Variants in KDM1B observed in about 807,000 individuals in gnomAD.
KDM1B encodes lysine demethylase 1B.
A neutral mutation model predicts 107.4 loss-of-function variants in KDM1B; 63 were observed. The ratio of observed to expected loss-of-function variants is 0.59; its 90% CI spans 0.48 to 0.72. KDM1B has a LOEUF of 0.72. Ranked by LOEUF, KDM1B falls within the 30% of genes least tolerant of loss-of-function variation. KDM1B has a pLI of 0.00. For missense variants in KDM1B, 749 were observed against 1,020.8 expected (o/e 0.73, Z 3.63); for synonymous variants, 363 against 363.9 (o/e 1.00, Z 0.03).
intron 21 of KDM1B, 108 bp downstream of exon 21, chr6:18,217,993 C>T: frequency 1.7e-6 from 2 of 1,196,678 alleles, no homozygotes; most frequent in South Asian, 2.9e-5. Flanking sequence ...TGTCAAAAGT[C>T]TTATGACCAC....
intron 6 of KDM1B, among the ~76,000 whole-genome samples, chr6:18,168,474 G>C (rs1209320415): frequency 6.6e-6 from 1 of 152,166 alleles, no homozygotes; most frequent in Non-Finnish European, 1.5e-5. Flanking sequence ...ATACTCCATT[G>C]AATGGATATG....
At chr6:18,188,332 G>A (rs773579874) in intron 9 of KDM1B, among the ~76,000 whole-genome samples, 4 of 152,218 alleles carry the variant, frequency 2.6e-5, no homozygotes, top group Admixed American at 6.5e-5. Context: ...CATCATTTGT[G>A]TATAGTGTGT....
intron 9 of KDM1B, among the ~76,000 whole-genome samples, chr6:18,190,436 CAA>C (rs59766756): frequency 9.3e-5 from 10 of 107,324 alleles, no homozygotes; most frequent in Admixed American, 1.9e-4. Flanking sequence ...ACTAAAAATA[CAA>C]AAAAAAAAAA....
In KDM1B at chr6:18,223,154, CTTTTGT is replaced by C. The variant is rs1789897113; in HGVS notation, c.*1168_*1173del. On this transcript the variant is annotated 3_prime_UTR_variant, in exon 22 of 22. Transcript: ENST00000650836. ...CTTCAGTATACAGGTTAGAAATATG[CTTTTGT>C]TTTTGAACAATAATATACTGGTTTG... is the stretch of plus-strand genomic sequence containing the variant. 1 of 152,466 alleles carries C rather than the reference CTTTTGT, an allele frequency of 6.6e-6. No homozygotes were observed. Among genetic ancestry groups the C allele is most frequent in the East Asian group, 1.9e-4 (1 of 5,202 alleles). The allele number at this position is 152,466 out of a possible 1,614,324, so 9.4% of individuals were successfully genotyped here.
chr6:18,164,159 G>A (rs543873366), intron 5 of KDM1B, among the ~76,000 whole-genome samples: 61 of 151,618 alleles, frequency 4.0e-4, no homozygotes, highest in African/African-American at 1.4e-3. Context: ...ATGGAGTCTC[G>A]CTCTGTTGCC....
intron 7 of KDM1B, among the ~76,000 whole-genome samples, chr6:18,184,273 C>CTTCTT (rs1554144142): frequency 5.1e-5 from 6 of 116,672 alleles, no homozygotes; most frequent in Non-Finnish European, 6.9e-5. Flanking sequence ...GTTCTAGCTT[C>CTTCTT]TTTTTTTTTT....
Position 18,205,544 on chromosome 6 carries a change from A to G in KDM1B, c.1539A>G (p.Ile513Met). 6.5e-7 allele frequency: 1 copy of G among 1,547,668 alleles called. No individual in the cohort carries two copies. The highest frequency in any genetic ancestry group is 2.5e-5 in the East Asian group (1 of 40,584). The change falls in exon 15 of 22, where the codon ATA becomes ATG. Residue 513 changes from isoleucine (I) to methionine (M), a missense_variant. Ile to Met is a conservative substitution (Grantham distance 10). Transcript: ENST00000650836. The surrounding 1 kb of genome is among the most constrained non-coding windows in gnomAD (Gnocchi z 5.7). ...QLQDVPLGEK[I>M]EEIYKAFIKE... ...GATCCATTCCCATTACAGAAAAGAT[A>G]GAAGAAATCTACAAGGCATTTATTA...
In KDM1B at chr6:18,222,794, A is replaced by T. The variant is rs1336319230; in HGVS notation, c.*802A>T. 1 of 152,632 alleles carries T rather than the reference A, an allele frequency of 6.6e-6. No individual in the cohort carries two copies. The highest frequency in any genetic ancestry group is 1.9e-4 in the East Asian group (1 of 5,200). The allele number at this position is 152,632 out of a possible 1,614,324, so 9.5% of individuals were successfully genotyped here. On this transcript the variant is annotated 3_prime_UTR_variant, in exon 22 of 22. Transcript: ENST00000650836. ...CACTTTAAATATCCTTAATTTTGGC[A>T]ACCACTAGCAAAAAAACTTGTCAGA...
intron 7 of KDM1B, among the ~76,000 whole-genome samples, chr6:18,171,688 A>G (rs1322568298): frequency 2.0e-5 from 3 of 152,198 alleles, no homozygotes; most frequent in African/African-American, 4.8e-5. Context: ...TAAGCAGTTA[A>G]GACATAGGCT....
intron 5 of KDM1B, 118 bp from the exon 6 acceptor site, chr6:18,166,149 A>G (rs1785280022): frequency 1.7e-6 from 1 of 586,548 alleles, no homozygotes; most frequent in Non-Finnish European, 3.1e-6. Flanking sequence ...CTACTTTTAT[A>G]ACAAGGCTAG....
At chr6:18,180,800 A>T (rs967214500) in intron 7 of KDM1B, among the ~76,000 whole-genome samples, 13 of 152,176 alleles carry the variant, frequency 8.5e-5, no homozygotes, top group African/African-American at 3.1e-4. Flanking sequence ...TCCTGATCTC[A>T]GGTGATCCAC....
intron 9 of KDM1B, among the ~76,000 whole-genome samples, chr6:18,189,563 G>A (rs1252909325): frequency 6.6e-6 from 1 of 152,172 alleles, no homozygotes; most frequent in African/African-American, 2.4e-5. Flanking sequence ...ATAGGGAAAT[G>A]GTTAAGTAAT....
chr6:18,194,285 A>G (rs1170091426), intron 10 of KDM1B, among the ~76,000 whole-genome samples: 2 of 152,172 alleles, frequency 1.3e-5, no homozygotes, highest in African/African-American at 4.8e-5. Context: ...AAGTGCTGGG[A>G]TTACGTGCTG....
chr6:18,190,558 C>T (rs548831027), intron 9 of KDM1B, among the ~76,000 whole-genome samples: 6 of 151,278 alleles, frequency 4.0e-5, no homozygotes, highest in Admixed American at 2.0e-4. Flanking sequence ...GCCGAGATCG[C>T]GCCACTGAAC....
rs201798497 is a variant in KDM1B at position 18,159,949 on chromosome 6, G to A, written c.54G>A (p.Pro18=). The change falls in exon 3 of 22, where the codon CCG becomes CCA. Residue 18 remains proline, a synonymous_variant. Transcript: ENST00000650836. This position sits in a 1 kb window ranked among gnomAD's most constrained non-coding sequence, Gnocchi z 4.5. The stretch of plus-strand genomic sequence containing the variant: ...AAAAAGCATCTTTTGATCATTCTCC[G>A]GATAGCCTTCCTTTGAGGAGCTCCG... ...TKKKASFDHS[P]DSLPLRSSGR... The A allele has an allele frequency of 1.5e-4, 239 of 1,608,996 alleles. No individual in the cohort carries two copies. Among genetic ancestry groups the A allele is most frequent in the East Asian group, 8.9e-5 (4 of 44,758 alleles).
chr6:18,181,226 G>A (rs1240890980), intron 7 of KDM1B, among the ~76,000 whole-genome samples: 2 of 152,132 alleles, frequency 1.3e-5, no homozygotes, highest in Admixed American at 1.3e-4. Context: ...TCATTCAAGA[G>A]TATCTATATA....
intron 21 of KDM1B, among the ~76,000 whole-genome samples, chr6:18,220,289 C>A (rs1346222635): frequency 6.6e-6 from 1 of 152,230 alleles, no homozygotes; most frequent in Non-Finnish European, 1.5e-5. Context: ...TGCGATGGCT[C>A]ACGCCTGTAA....
chr6:18,172,112 C>T lies in KDM1B; in HGVS notation c.534+633C>T, dbSNP rs77936374. ...CGACTGAGGATGTTGCAACACTAAACAAAGCCGGATCCTATTAGTGAGGAA... is the reference window on the plus strand; with the variant it reads ...CGACTGAGGATGTTGCAACACTAAATAAAGCCGGATCCTATTAGTGAGGAA... On this transcript the variant is annotated intron_variant, in intron 7 of 21. Coordinates refer to ENST00000650836, the MANE Select transcript of KDM1B (RefSeq NM_001364614.2). This position sits in a 1 kb window ranked among gnomAD's most constrained non-coding sequence, Gnocchi z 5.2. Among the ~76,000 whole-genome samples the T allele has an allele frequency of 1.3e-5, 2 of 152,262 alleles. No homozygotes were observed. The highest frequency in any genetic ancestry group is 2.9e-5 in the Non-Finnish European group (2 of 68,010).
rs980240065 is a variant in KDM1B, at chr6:18,221,914, A to C, written c.2391A>C (p.Thr797=). ...TATGTAATTATGTTTTACAGGCAAC[A>C]AACAGGCATTTCCCACAAACTGTTA... ...QGTVFFAGEA[T]NRHFPQTVTG... The change falls in exon 22 of 22, where the codon ACA becomes ACC. Residue 797 remains threonine (T), a synonymous_variant. Transcript: ENST00000650836. The C allele has an allele frequency of 6.2e-7, 1 of 1,602,146 alleles. No homozygotes were observed.
Sources: gnomAD v4.1 joint callset for allele counts (sites outside exome capture counted in the v4.1 genomes callset) on GRCh38, gnomAD v4.1.1 for gene constraint, Gnocchi (gnomAD v3.1) non-coding constraint, MANE v1.5 for transcripts, NCBI Gene and HGNC (gene_info 2026-07-23, HGNC 2026-07-21) for gene names.